SERPINE3: variants seen among roughly 807,000 people sequenced by gnomAD.
SERPINE3 encodes serpin family E member 3.
SERPINE3 carries 43 observed loss-of-function variants against 41.7 expected under a neutral mutation model. That is an observed-to-expected ratio of 1.03 (90% CI 0.81 to 1.33). SERPINE3 has a LOEUF of 1.33. Ranked by LOEUF, SERPINE3 falls within the 40% of genes most tolerant of loss-of-function variation. SERPINE3 has a pLI of 0.00. For missense variants in SERPINE3, 440 were observed against 491.7 expected (o/e 0.89, Z 0.99); for synonymous variants, 200 against 192.2 (o/e 1.04, Z -0.34).
intron 5 of SERPINE3, 134 bp from the exon 6 acceptor site, chr13:51,348,079 C>CT: frequency 3.0e-6 from 2 of 656,284 alleles, no homozygotes; most frequent in African/African-American, 1.8e-5. Context: ...GGCCTGAAAC[C>CT]GCCTCCTGAG....
chr13:51,341,431 ACACT>A (rs1365337502), intron 3 of SERPINE3, 84 bp downstream of exon 3: 67 of 1,271,806 alleles, frequency 5.3e-5, no homozygotes, highest in Admixed American at 1.7e-4. Context: ...GCTCACACTC[ACACT>A]CACTCTCTCC....
At chr13:51,364,147 T>A in intron 9 of SERPINE3, 92 bp from the exon 10 acceptor site, 1 of 555,890 alleles carries the variant, frequency 1.8e-6, no homozygotes, top group South Asian at 3.3e-5. Flanking sequence ...TTATCTTGCA[T>A]TACTTAAAAG....
In SERPINE3 at chr13:51,341,241, T is replaced by C. The variant is rs775053830; in HGVS notation, c.150T>C (p.Phe50=). ...CCGCGTGTAGAAATGAGACGAACTT[T>C]GTCATCTCTCCTGCTGGTGTGTCCC... ...SVAACRNETN[F]VISPAGVSLP... The change falls in exon 3 of 10, where the codon TTT becomes TTC. Residue 50 remains phenylalanine (F), a synonymous_variant. Transcript: ENST00000681248. 3.7e-6 allele frequency: 6 copies of C among 1,614,020 alleles called. No individual in the cohort carries two copies. The South Asian group carries it at 6.6e-5, about 18-fold the overall frequency.
chr13:51,357,790 C>T (rs1323578274), intron 7 of SERPINE3, among the ~76,000 whole-genome samples: 1 of 152,064 alleles, frequency 6.6e-6, no homozygotes, highest in African/African-American at 2.4e-5. Context: ...TTAGGATCAG[C>T]AGGCTTTGAT....
intron 4 of SERPINE3, among the ~76,000 whole-genome samples, chr13:51,346,231 A>G (rs1413932142): frequency 6.6e-6 from 1 of 152,198 alleles, no homozygotes; most frequent in Non-Finnish European, 1.5e-5. Context: ...ACTGCATGAA[A>G]TTTTAACTGC....
intron 8 of SERPINE3, 23 bp from the exon 9 acceptor site, chr13:51,361,787 G>T: frequency 6.4e-7 from 1 of 1,567,456 alleles, no homozygotes; most frequent in South Asian, 1.2e-5. Flanking sequence ...AAATGCAATG[G>T]AATTTTTCTT....
At chr13:51,357,600 A>AT (rs1305488855) in intron 7 of SERPINE3, among the ~76,000 whole-genome samples, 1 of 151,684 alleles carries the variant, frequency 6.6e-6, no homozygotes, top group Non-Finnish European at 1.5e-5. Flanking sequence ...GGCATCAAAT[A>AT]TTTTTTTTGC....
chr13:51,342,992 G>T (rs750927230), intron 3 of SERPINE3, among the ~76,000 whole-genome samples: 1 of 152,184 alleles, frequency 6.6e-6, no homozygotes, highest in Non-Finnish European at 1.5e-5. Context: ...AGTGATGTCT[G>T]CCTACTATTG....
At chr13:51,357,273 G>A (rs1955494691) in intron 7 of SERPINE3, among the ~76,000 whole-genome samples, 1 of 152,148 alleles carries the variant, frequency 6.6e-6, no homozygotes, top group Non-Finnish European at 1.5e-5. Flanking sequence ...TAGAGACAGG[G>A]CCACCAAATC....
At chr13:51,355,468 C>A (rs2137806625) in intron 7 of SERPINE3, among the ~76,000 whole-genome samples, 1 of 152,282 alleles carries the variant, frequency 6.6e-6, no homozygotes, top group East Asian at 1.9e-4. Flanking sequence ...GCAATAGATT[C>A]TTCATTATGA....
intron 9 of SERPINE3, chr13:51,362,480 C>T (rs532835643): frequency 6.5e-6 from 1 of 152,720 alleles, no homozygotes; most frequent in Non-Finnish European, 1.5e-5. Flanking sequence ...TATTCTTAGG[C>T]TTCGACAATA....
chr13:51,342,178 CAAAAAAAAAA>C (rs869298134), intron 3 of SERPINE3, among the ~76,000 whole-genome samples: 8 of 63,582 alleles, frequency 1.3e-4, no homozygotes, highest in Admixed American at 1.6e-4. Context: ...AAAGACAGAA[CAAAAAAAAAA>C]AAAAAAAAAA....
chr13:51,354,500 A>G (rs1275769289), intron 6 of SERPINE3, among the ~76,000 whole-genome samples: 2 of 152,096 alleles, frequency 1.3e-5, no homozygotes, highest in African/African-American at 2.4e-5. Context: ...GCACACCTGC[A>G]GTCCCAGCTA....
intron 9 of SERPINE3, 71 bp from the exon 10 acceptor site, chr13:51,364,168 G>A (rs1440931404): frequency 1.4e-6 from 1 of 710,504 alleles, no homozygotes; most frequent in African/African-American, 1.8e-5. Flanking sequence ...TATTTGTATA[G>A]AAGTAAACAA....
intron 6 of SERPINE3, among the ~76,000 whole-genome samples, chr13:51,349,037 C>T (rs1191969727): frequency 6.6e-6 from 1 of 152,170 alleles, no homozygotes; most frequent in African/African-American, 2.4e-5. Context: ...AAAACAAAAT[C>T]TATTAGCAAA....
intron 6 of SERPINE3, among the ~76,000 whole-genome samples, chr13:51,354,697 C>T (rs970997902): frequency 2.6e-5 from 4 of 151,952 alleles, no homozygotes; most frequent in Admixed American, 1.3e-4. Flanking sequence ...TTCTATATAT[C>T]GTAAGAGCAG....
chr13:51,340,904 G>A, intron 2 of SERPINE3, 43 bp downstream of exon 2: 1 of 621,824 alleles, frequency 1.6e-6, no homozygotes. Context: ...CAGCTCTGCA[G>A]CCCAGACGGC....
intron 8 of SERPINE3, 73 bp downstream of exon 8, chr13:51,361,437 C>A: frequency 1.1e-6 from 1 of 924,722 alleles, no homozygotes; most frequent in Non-Finnish European, 1.7e-6. Context: ...GTTGAATCTT[C>A]ACACTTCTGA....
At chr13:51,346,887 T>C in intron 4 of SERPINE3, 138 bp from the exon 5 acceptor site, 1 of 637,592 alleles carries the variant, frequency 1.6e-6, no homozygotes, top group South Asian at 1.9e-5. Flanking sequence ...TATTGTAAGA[T>C]GAAGAGAGAG....
Sources: gnomAD v4.1 joint callset for allele counts (sites outside exome capture counted in the v4.1 genomes callset) on GRCh38, gnomAD v4.1.1 for gene constraint, MANE v1.5 for transcripts, NCBI Gene and HGNC (gene_info 2026-07-23, HGNC 2026-07-21) for gene names.